OSGIN2: variants seen among roughly 807,000 people sequenced by gnomAD.
The protein encoded by OSGIN2 is oxidative stress induced growth inhibitor family member 2, also known as oxidative stress-induced growth inhibitor 2.
In OSGIN2, 19 loss-of-function variants were observed where a neutral mutation model predicts 53.8. The ratio of observed to expected loss-of-function variants is 0.35; its 90% CI spans 0.25 to 0.52. The LOEUF (loss-of-function observed/expected upper bound fraction) is 0.52, where lower values mean the gene tolerates loss of function less well. Among genes scored for constraint, OSGIN2 ranks in the 20% least tolerant of loss-of-function variants. OSGIN2 has a pLI of 0.95. For synonymous variants in OSGIN2, 236 were observed against 236.0 expected (o/e 1.00, Z 0.00); for missense variants, 520 against 662.7 (o/e 0.78, Z 2.36).
intron 1 of OSGIN2, among the ~76,000 whole-genome samples, chr8:89,907,747 T>C (rs1808870981): frequency 6.6e-6 from 1 of 152,210 alleles, no homozygotes; most frequent in African/African-American, 2.4e-5. Context: ...TTAGGCTCTT[T>C]TTTGGTTTCA....
chr8:89,909,827 T>G (rs1328338138), intron 2 of OSGIN2, 106 bp downstream of exon 2: 1 of 719,154 alleles, frequency 1.4e-6, no homozygotes, highest in Non-Finnish European at 2.0e-6. Flanking sequence ...AAAGTATTCT[T>G]AGGTGGTTTG....
At chr8:89,912,605 G>T (rs1222909117) in intron 2 of OSGIN2, among the ~76,000 whole-genome samples, 2 of 152,066 alleles carry the variant, frequency 1.3e-5, no homozygotes, top group East Asian at 3.8e-4. Flanking sequence ...AATAAGCTGG[G>T]TGTGGTGTCG....
intron 4 of OSGIN2, among the ~76,000 whole-genome samples, chr8:89,920,764 C>A (rs1256566206): frequency 1.3e-5 from 2 of 152,136 alleles, no homozygotes; most frequent in African/African-American, 4.8e-5. Flanking sequence ...TAATATTGTA[C>A]ATCTGAATTA....
intron 1 of OSGIN2, among the ~76,000 whole-genome samples, chr8:89,905,028 A>G (rs1378521353): frequency 6.6e-6 from 1 of 152,198 alleles, no homozygotes; most frequent in Non-Finnish European, 1.5e-5. Context: ...GGTAAATTTT[A>G]GGTTCATGGT....
rs776597868 is a variant in OSGIN2, at chr8:89,914,737, G to C, written c.519G>C (p.Gly173=). ...HVVLGKGPPG[G]AWHNMEGSML... is the part of the protein sequence containing the mutation. ...TTCTTGGTAAAGGTCCACCTGGTGG[G>C]GCTTGGCATGTGAGTATATTTTTCT... is the stretch of plus-strand genomic sequence containing the variant. The change falls in exon 4 of 6, where the codon GGG becomes GGC. Residue 173 remains glycine (G), a synonymous_variant. Transcript: ENST00000451899. 2.4e-5 allele frequency: 38 copies of C among 1,611,650 alleles called. No individual in the cohort carries two copies. The East Asian group carries it at 7.8e-4, about 33-fold the overall frequency.
rs1260102957 is a variant in OSGIN2 at position 89,926,089 on chromosome 8, T to A, written c.*557T>A. 1.3e-5 allele frequency: 2 copies of A among 153,088 alleles called. No individual in the cohort carries two copies. Among genetic ancestry groups the A allele is most frequent in the African/African-American group, 4.8e-5 (2 of 41,444 alleles). The allele number at this position is 153,088 out of a possible 1,614,324, so 9.5% of individuals were successfully genotyped here. On this transcript the variant is annotated 3_prime_UTR_variant, in exon 6 of 6. Transcript: ENST00000451899. ...ACACTGGTTTAAATGAAAATGGATA[T>A]AAGGTATGTATAACTGGGGGTGGGG...
intron 1 of OSGIN2, among the ~76,000 whole-genome samples, chr8:89,904,113 A>G (rs757909342): frequency 2.0e-5 from 3 of 152,220 alleles, no homozygotes; most frequent in African/African-American, 4.8e-5. Flanking sequence ...ATTGTTTCAT[A>G]TAATAAACTG....
chr8:89,918,979 C>T (rs1339608577), intron 4 of OSGIN2, among the ~76,000 whole-genome samples: 1 of 152,164 alleles, frequency 6.6e-6, no homozygotes, highest in African/African-American at 2.4e-5. Flanking sequence ...ATCCATTATC[C>T]ATACCAAAGC....
At position 89,911,490 on chromosome 8, in the gene OSGIN2, C is replaced by T; in HGVS notation, c.199+1769C>T. On this transcript the variant is annotated intron_variant, in intron 2 of 5. Transcript: ENST00000451899. ...ACTAAAAATACAAAAATTAGCCGGG[C>T]ATGGTGGCGGGCAACTGTAATCCTA... Among the ~76,000 whole-genome samples, 2 of 151,872 alleles carry T rather than the reference C, an allele frequency of 1.3e-5. 1 individual carries two copies. The highest frequency in any genetic ancestry group is 4.1e-4 in the South Asian group (2 of 4,822).
intron 4 of OSGIN2, 120 bp from the exon 5 acceptor site, chr8:89,920,960 G>T: frequency 1.6e-6 from 1 of 610,024 alleles, no homozygotes. Flanking sequence ...CTGCAGGAGC[G>T]CACCTTGTCC....
In OSGIN2 at chr8:89,924,895, A is replaced by G; in HGVS notation, c.1013A>G (p.Lys338Arg). The G allele has an allele frequency of 6.2e-7, 1 of 1,614,194 alleles. No homozygotes were observed. Reference sequence around the variant, plus strand: ...CCTGAATTTGGAGCTGCTATAAACAAAGGAAAGTTGCGTGGCAAAGTGGAT... The same window carrying G: ...CCTGAATTTGGAGCTGCTATAAACAGAGGAAAGTTGCGTGGCAAAGTGGAT... ...SMPEFGAAIN[K>R]GKLRGKVDPV... The change falls in exon 6 of 6, where the codon AAA (lysine) becomes AGA (arginine). Residue 338 changes from lysine (K) to arginine (R), a missense_variant. By Grantham distance (26) the Lys-to-Arg change is conservative. This residue lies in a region of OSGIN2 where 239 missense variants were observed against 328.3 expected (regional missense o/e 0.73). Transcript: ENST00000451899.
At chr8:89,916,057 C>G (rs1405012936) in intron 4 of OSGIN2, among the ~76,000 whole-genome samples, 2 of 151,996 alleles carry the variant, frequency 1.3e-5, no homozygotes, top group Non-Finnish European at 2.9e-5. Flanking sequence ...CTATCATGCC[C>G]AAAACTTAAG....
chr8:89,921,199 T>G, intron 5 of OSGIN2, 28 bp downstream of exon 5: 1 of 1,285,530 alleles, frequency 7.8e-7, no homozygotes, highest in Non-Finnish European at 1.1e-6. Context: ...TTAAAATTCT[T>G]TGGTGTACGT....
In OSGIN2 at chr8:89,927,816, G is replaced by T. The variant is rs1347234620; in HGVS notation, c.*2284G>T. On this transcript the variant is annotated 3_prime_UTR_variant, in exon 6 of 6. Transcript: ENST00000451899. ...CTGTGGCATCAAATTTTAGTTGATT[G>T]TATTAGTCAATAGGAAGTGGTGGAA... The T allele has an allele frequency of 6.6e-6, 1 of 152,168 alleles. No individual in the cohort carries two copies. Among genetic ancestry groups the T allele is most frequent in the African/African-American group, 2.4e-5 (1 of 41,436 alleles). 9.4% of individuals were successfully genotyped at this position (152,168 alleles called of 1,614,324 possible).
intron 1 of OSGIN2, among the ~76,000 whole-genome samples, chr8:89,907,005 G>A (rs541319016): frequency 4.6e-5 from 7 of 152,126 alleles, no homozygotes; most frequent in Admixed American, 1.3e-4. Flanking sequence ...TTTGATTTGC[G>A]TTTCTCTAAT....
intron 4 of OSGIN2, among the ~76,000 whole-genome samples, chr8:89,919,609 AGCC>A (rs1457028874): frequency 6.6e-6 from 1 of 152,244 alleles, no homozygotes; most frequent in Non-Finnish European, 1.5e-5. Context: ...AGAAGGTGGC[AGCC>A]AAGCCTGGTT....
chr8:89,917,229 A>T (rs1809099013), intron 4 of OSGIN2, among the ~76,000 whole-genome samples: 1 of 152,238 alleles, frequency 6.6e-6, no homozygotes. Flanking sequence ...GCTCCACTGT[A>T]GATCTTATCT....
At chr8:89,914,814 T>TTAAGCATTATA in intron 4 of OSGIN2, 68 bp downstream of exon 4, 1 of 1,073,200 alleles carries the variant, frequency 9.3e-7, no homozygotes, top group Non-Finnish European at 1.4e-6. Flanking sequence ...AACTTTATTC[T>TTAAGCATTATA]TAAGCATTAT....
intron 1 of OSGIN2, among the ~76,000 whole-genome samples, chr8:89,907,860 A>G (rs1298823491): frequency 6.6e-6 from 1 of 152,148 alleles, no homozygotes; most frequent in Admixed American, 6.5e-5. Flanking sequence ...GTTTGTATGA[A>G]TTTGCATAGC....
Sources: allele counts gnomAD v4.1 joint callset (sites outside exome capture counted in the v4.1 genomes callset), GRCh38; gene constraint gnomAD v4.1.1; regional missense constraint gnomAD v4.1.1; transcripts MANE v1.5; gene names NCBI Gene and HGNC (gene_info 2026-07-23, HGNC 2026-07-21).